Variants in ADARB2 observed in about 807,000 individuals in gnomAD.
The protein encoded by ADARB2 is inactive double-stranded RNA-specific editase B2.
In ADARB2, 25 loss-of-function variants were observed where a neutral mutation model predicts 62.2. That is an observed-to-expected ratio of 0.40 (90% CI 0.29 to 0.56). The LOEUF (loss-of-function observed/expected upper bound fraction) is 0.56. Ranked by LOEUF, ADARB2 falls within the 20% of genes least tolerant of loss-of-function variation. ADARB2 has a pLI of 0.43. For missense variants in ADARB2, 1,071 were observed against 1,077.4 expected, an observed-to-expected ratio of 0.99 and a Z score of 0.08; for synonymous variants, 572 against 500.8, an observed-to-expected ratio of 1.14 and a Z score of -1.90.
chr10:1,671,445 G>A (rs1200460052), intron 1 of ADARB2, among the ~76,000 whole-genome samples: 3 of 152,200 alleles, frequency 2.0e-5, no homozygotes, highest in African/African-American at 2.4e-5. Context: ...GGAGATGTTC[G>A]GAAGGAGACA....
At chr10:1,530,505 C>T (rs567063064) in intron 1 of ADARB2, among the ~76,000 whole-genome samples, 80 of 152,354 alleles carry the variant, frequency 5.3e-4, no homozygotes, top group South Asian at 2.7e-3. Context: ...GCCAGGGTCA[C>T]GTGGCCTCTG....
At chr10:1,350,208 C>T (rs12245555) in intron 3 of ADARB2, among the ~76,000 whole-genome samples, 129 of 152,302 alleles carry the variant, frequency 8.5e-4, no homozygotes, top group African/African-American at 2.5e-3. Flanking sequence ...AATAGGCAAA[C>T]GGTCTGAAGT....
At chr10:1,375,932 G>A (rs770566273) in intron 2 of ADARB2, among the ~76,000 whole-genome samples, 9 of 142,250 alleles carry the variant, frequency 6.3e-5, no homozygotes, top group Non-Finnish European at 9.0e-5. Context: ...ATGCACACAC[G>A]TGCACAGACA....
chr10:1,713,537 A>G (rs958300427), intron 1 of ADARB2, among the ~76,000 whole-genome samples: 4 of 152,180 alleles, frequency 2.6e-5, no homozygotes, highest in African/African-American at 4.8e-5. Flanking sequence ...CGGTGCTGCA[A>G]GACTTTCTCA....
intron 3 of ADARB2, among the ~76,000 whole-genome samples, chr10:1,302,168 C>T (rs1212066250): frequency 5.9e-5 from 9 of 152,176 alleles, no homozygotes; most frequent in African/African-American, 1.4e-4. Context: ...TCAGTGGGTG[C>T]GCACACCGTG....
chr10:1,556,649 T>C (rs761837429), intron 1 of ADARB2: 2 of 533,128 alleles, frequency 3.8e-6, no homozygotes, highest in African/African-American at 1.9e-5. Flanking sequence ...CACATCACAT[T>C]GCGCTCCAAG....
At chr10:1,392,346 T>C (rs996360498) in intron 1 of ADARB2, among the ~76,000 whole-genome samples, 2 of 152,182 alleles carry the variant, frequency 1.3e-5, no homozygotes, top group African/African-American at 4.8e-5. Flanking sequence ...CTGTTACAAG[T>C]TTCCTTCTCA....
intron 1 of ADARB2, among the ~76,000 whole-genome samples, chr10:1,725,565 C>T (rs954896736): frequency 6.6e-6 from 1 of 151,850 alleles, no homozygotes. Context: ...GCAGGGAAAG[C>T]CCCCCACCAC....
chr10:1,186,564 A>G (rs764231145), intron 8 of ADARB2: 4 of 518,858 alleles, frequency 7.7e-6, no homozygotes, highest in South Asian at 5.6e-5. Context: ...CTCCTCGCAG[A>G]TCAGCTCTGC....
In ADARB2 at chr10:1,379,108, A is replaced by C. The variant is rs141430718; in HGVS notation, c.153T>G (p.Pro51=). The C allele has an allele frequency of 5.2e-4, 835 of 1,613,998 alleles. 4 individuals carry two copies. The highest frequency in any genetic ancestry group is 5.1e-3 in the South Asian group (462 of 91,066). ...CGTCATCCTCCGTGTTTGTGATGCC[A>C]GGACTCAGGTGCTTGAAAGGAGCGA... ...TFLAPFKHLS[P]GITNTEDDDT... is the part of the protein sequence containing the mutation. Residue 51 remains proline (P), a synonymous_variant, in exon 2 of 10, where the codon CCT becomes CCG. Coordinates refer to ENST00000381312, the MANE Select transcript of ADARB2 (RefSeq NM_018702.4).
chr10:1,673,934 A>G (rs1834428139), intron 1 of ADARB2, among the ~76,000 whole-genome samples: 1 of 152,242 alleles, frequency 6.6e-6, no homozygotes, highest in Non-Finnish European at 1.5e-5. Flanking sequence ...GCTTCATATT[A>G]AAGAAAGGTT....
At chr10:1,624,918 G>C (rs1833748101) in intron 1 of ADARB2, among the ~76,000 whole-genome samples, 1 of 152,158 alleles carries the variant, frequency 6.6e-6, no homozygotes, top group South Asian at 2.1e-4. Context: ...ATGTTATGCT[G>C]CATTTACTGA....
chr10:1,548,542 A>G (rs1832560986), intron 1 of ADARB2, among the ~76,000 whole-genome samples: 2 of 152,246 alleles, frequency 1.3e-5, no homozygotes, highest in Admixed American at 6.5e-5. Context: ...CCAGTGAGAT[A>G]TCGCAGCCAA....
At chr10:1,270,504 C>T (rs1589171997) in intron 4 of ADARB2, among the ~76,000 whole-genome samples, 2 of 152,248 alleles carry the variant, frequency 1.3e-5, no homozygotes, top group Non-Finnish European at 2.9e-5. Context: ...TTCCCCCATC[C>T]TGGCTGACTG....
chr10:1,337,591 T>C (rs1163990024), intron 3 of ADARB2, among the ~76,000 whole-genome samples: 1 of 152,150 alleles, frequency 6.6e-6, no homozygotes, highest in Non-Finnish European at 1.5e-5. Flanking sequence ...CTTCTGAGGG[T>C]AAGCAGGTGC....
At chr10:1,567,962 G>A (rs958865062) in intron 1 of ADARB2, among the ~76,000 whole-genome samples, 1 of 152,204 alleles carries the variant, frequency 6.6e-6, no homozygotes, top group African/African-American at 2.4e-5. Context: ...TGATGGCACG[G>A]CATCACCCCA....
chr10:1,492,651 G>A (rs1003373545), intron 1 of ADARB2, among the ~76,000 whole-genome samples: 14 of 152,090 alleles, frequency 9.2e-5, no homozygotes, highest in South Asian at 2.1e-4. Flanking sequence ...GTCTACAGGT[G>A]CAGCATTTCA....
chr10:1,202,541 A>G (rs1837000309), intron 7 of ADARB2, among the ~76,000 whole-genome samples: 1 of 152,150 alleles, frequency 6.6e-6, no homozygotes, highest in South Asian at 2.1e-4. Flanking sequence ...CTGAGACCAG[A>G]GGACAGACCA....
chr10:1,411,596 G>C (rs1179597802), intron 1 of ADARB2, among the ~76,000 whole-genome samples: 1 of 152,226 alleles, frequency 6.6e-6, no homozygotes, highest in Non-Finnish European at 1.5e-5. Flanking sequence ...AGGCACCACA[G>C]ATGTGGTCCT....
Sources: allele counts gnomAD v4.1 joint callset (sites outside exome capture counted in the v4.1 genomes callset), GRCh38; gene constraint gnomAD v4.1.1; transcripts MANE v1.5; gene names NCBI Gene and HGNC (gene_info 2026-07-23, HGNC 2026-07-21).